The following PLA2G6 variants were observed in gnomAD, a reference collection of about 807,000 sequenced individuals.
The protein encoded by PLA2G6 is phospholipase A2 group VI, also known as 85/88 kDa calcium-independent phospholipase A2.
A neutral mutation model predicts 83.8 loss-of-function variants in PLA2G6; 62 were observed. That is an observed-to-expected ratio of 0.74 (90% CI 0.60 to 0.91). The LOEUF (loss-of-function observed/expected upper bound fraction) is 0.91, where lower values mean the gene tolerates loss of function less well. Ranked by LOEUF, PLA2G6 falls within the 40% of genes least tolerant of loss-of-function variation. PLA2G6 has a pLI of 0.00. For missense variants in PLA2G6, 944 were observed against 1,102.0 expected (o/e 0.86, Z 2.03); for synonymous variants, 417 against 449.8 (o/e 0.93, Z 0.92).
chr22:38,115,779 G>A, intron 13 of PLA2G6, 98 bp from the exon 14 acceptor site: 2 of 1,499,144 alleles, frequency 1.3e-6, no homozygotes, highest in South Asian at 1.3e-5. Context: ...GGCTGGGGGT[G>A]CGGGAAGAGG....
At position 38,169,317 on chromosome 22, in the gene PLA2G6, C is replaced by T. The variant is rs374310914; in HGVS notation, c.110G>A (p.Arg37Gln). 67 of 1,614,206 alleles carry T rather than the reference C, an allele frequency of 4.2e-5. No homozygotes were observed. The highest frequency in any genetic ancestry group is 5.5e-5 in the South Asian group (5 of 91,082). ...AATCAGCTGCCCTTCCTCCCGAACTCGGTCACTCGAGGTGTAGTCGGCCAC... is the reference window on the plus strand; with the variant it reads ...AATCAGCTGCCCTTCCTCCCGAACTTGGTCACTCGAGGTGTAGTCGGCCAC... ...VAVADYTSSDRVREEGQLILF... is the reference protein window; with the variant it reads ...VAVADYTSSDQVREEGQLILF... The change falls in exon 2 of 17, where the codon CGA becomes CAA. Residue 37 changes from arginine to glutamine, a missense_variant. Transcript: ENST00000332509.
chr22:38,168,519 C>A (rs1209836315), intron 2 of PLA2G6, among the ~76,000 whole-genome samples: 1 of 152,192 alleles, frequency 6.6e-6, no homozygotes, highest in Middle Eastern at 3.2e-3. Context: ...CTAAGCAAAC[C>A]CTGGGCAGCC....
Position 38,112,309 on chromosome 22 carries a change from T to C in PLA2G6, c.2277-4A>G, listed in dbSNP as rs778604977. The C allele has an allele frequency of 6.2e-6, 10 of 1,613,062 alleles. No individual in the cohort carries two copies. The Admixed American group carries it at 1.7e-4, about 27-fold the overall frequency. On this transcript the variant is annotated splice_region_variant and splice_polypyrimidine_tract_variant and intron_variant, in intron 16 of 16. Coordinates refer to ENST00000332509, the MANE Select transcript of PLA2G6 (RefSeq NM_003560.4). ...CGTCCCCAGCTGGGGGTTCAATCTGTTCGGGCCAGGGAGGAGGGGGTCACC... is the reference window on the plus strand; with the variant it reads ...CGTCCCCAGCTGGGGGTTCAATCTGCTCGGGCCAGGGAGGAGGGGGTCACC...
intron 1 of PLA2G6, among the ~76,000 whole-genome samples, chr22:38,172,780 G>C (rs947563688): frequency 6.6e-6 from 1 of 152,214 alleles, no homozygotes; most frequent in Non-Finnish European, 1.5e-5. Flanking sequence ...GTCACCAGGG[G>C]TGCAGTGAAA....
chr22:38,143,027 C>T, intron 4 of PLA2G6, 78 bp downstream of exon 4: 1 of 1,368,882 alleles, frequency 7.3e-7, no homozygotes, highest in Non-Finnish European at 1.0e-6. Flanking sequence ...AGAGTGACAC[C>T]TGAGCCTAGG....
chr22:38,164,430 C>G (rs187534463), intron 2 of PLA2G6, among the ~76,000 whole-genome samples: 45 of 152,352 alleles, frequency 3.0e-4, no homozygotes, highest in Non-Finnish European at 5.9e-5. Context: ...GACCCCACCT[C>G]GTGGGACTGT....
At chr22:38,139,215 C>T (rs79232878) in intron 5 of PLA2G6, 10,878 of 151,962 alleles carry the variant, frequency 0.072, 463 homozygotes, top group East Asian at 0.21. Flanking sequence ...CTGAAGCCAT[C>T]GGGGGGCTGT....
chr22:38,167,154 G>C (rs899243100), intron 2 of PLA2G6, among the ~76,000 whole-genome samples: 7 of 151,690 alleles, frequency 4.6e-5, no homozygotes, highest in Admixed American at 1.3e-4. Flanking sequence ...CGTGAACCTG[G>C]GAGGCGGAGC....
At chr22:38,179,027 G>A (rs2090743978) in intron 1 of PLA2G6, among the ~76,000 whole-genome samples, 1 of 152,340 alleles carries the variant, frequency 6.6e-6, no homozygotes, top group South Asian at 2.1e-4. Context: ...ACCAGAGAAT[G>A]GGGATAGGAA....
At position 38,132,138 on chromosome 22, in the gene PLA2G6, A is replaced by C; in HGVS notation, c.1077+693T>G. ...TCGAAAAAAAAGAATACATGCACAC[A>C]CATATGTCTGTAACACAGTAACGTC... On this transcript the variant is annotated intron_variant, in intron 7 of 16. Transcript: ENST00000332509. This position sits in a 1 kb window ranked among gnomAD's most constrained non-coding sequence, Gnocchi z 5.0. 2.2e-6 allele frequency: 1 copy of C among 455,886 alleles called. No individual in the cohort carries two copies. Among genetic ancestry groups the C allele is most frequent in the Non-Finnish European group, 4.4e-6 (1 of 226,798 alleles). The allele number at this position is 455,886 out of a possible 1,614,324, so 28.2% of individuals were successfully genotyped here. A position where few individuals can be genotyped will look rare whatever the true frequency, so the allele number is the denominator to read the frequency against.
intron 1 of PLA2G6, among the ~76,000 whole-genome samples, chr22:38,176,900 G>C (rs1031395259): frequency 1.3e-5 from 2 of 152,058 alleles, no homozygotes; most frequent in Admixed American, 1.3e-4. Context: ...AAAAAAATTA[G>C]CCTGGCGTGA....
In PLA2G6 at chr22:38,116,877, CAG is replaced by C. The variant is rs777107596; in HGVS notation, c.1743-668_1743-667del. On this transcript the variant is annotated intron_variant, in intron 12 of 16. Transcript: ENST00000332509. Reference sequence around the variant, plus strand: ...AAAAAAAAAAAAAAAAAAAAAAAAACAGAATATTTTGAACAACTCTAAGCCAA... The same window carrying C: ...AAAAAAAAAAAAAAAAAAAAAAAAACAATATTTTGAACAACTCTAAGCCAA... 4.8e-3 allele frequency among the ~76,000 whole-genome samples: 378 copies of C among 79,576 alleles called. 1 individual carries two copies. Among genetic ancestry groups the C allele is most frequent in the South Asian group, 0.011 (23 of 2,158 alleles). 52.2% of individuals were successfully genotyped at this position (79,576 alleles called of 152,430 possible).
chr22:38,176,432 C>A (rs1457585964), intron 1 of PLA2G6, among the ~76,000 whole-genome samples: 1 of 152,304 alleles, frequency 6.6e-6, no homozygotes, highest in South Asian at 2.1e-4. Context: ...TCAGGCCTCA[C>A]GAGCCCCAGC....
rs1023993767 is a variant in PLA2G6 at position 38,127,772 on chromosome 22, G to A, written c.1348+497C>T. Among the ~76,000 whole-genome samples, 6 of 152,208 alleles carry A rather than the reference G, an allele frequency of 3.9e-5. No homozygotes were observed. In the East Asian group the frequency reaches 5.8e-4, roughly 15 times the overall value. ...CTCCCTGGGCACCAAGGAATGCACC[G>A]GGGCAGATGCTGGCTGCCTGGCCAC... On this transcript the variant is annotated intron_variant, in intron 9 of 16. Transcript: ENST00000332509.
chr22:38,170,024 C>G (rs998087563), intron 1 of PLA2G6, among the ~76,000 whole-genome samples: 2 of 151,982 alleles, frequency 1.3e-5, no homozygotes, highest in Non-Finnish European at 2.9e-5. Flanking sequence ...ATGGCGAAAC[C>G]CTGCCTCTAC....
chr22:38,113,393 C>G (rs1423540516), intron 15 of PLA2G6, 94 bp downstream of exon 15: 1 of 1,243,356 alleles, frequency 8.0e-7, no homozygotes, highest in Non-Finnish European at 1.2e-6. Context: ...CTGCTGTCTC[C>G]TCCAACACCA....
At chr22:38,122,148 TC>T (rs1402235454) in intron 11 of PLA2G6, among the ~76,000 whole-genome samples, 2 of 152,060 alleles carry the variant, frequency 1.3e-5, no homozygotes, top group Non-Finnish European at 2.9e-5. Context: ...CTGGCTCAGC[TC>T]TGCATCCCCA....
At position 38,120,867 on chromosome 22, in the gene PLA2G6, T is replaced by C. The variant is rs121908681; in HGVS notation, c.1634A>G (p.Lys545Arg). Residue 545 changes from lysine to arginine, a missense_variant, in exon 12 of 17, where the codon AAG (lysine) becomes AGG (arginine). Coordinates refer to ENST00000332509, the MANE Select transcript of PLA2G6 (RefSeq NM_003560.4). ...CCTGGAGCCCCGGAACACCTCATCC[T>C]TCATGCGAAAGTACATGCCGCGCAT... The part of the protein sequence containing the change: ...AYMRGMYFRM[K>R]DEVFRGSRPY... 10 of 1,613,878 alleles carry C rather than the reference T, an allele frequency of 6.2e-6. No homozygotes were observed. In the East Asian group the frequency reaches 2.2e-4, roughly 36 times the overall value.
chr22:38,145,520 G>C lies in PLA2G6; in HGVS notation c.343C>G (p.Arg115Gly), dbSNP rs995653548. ...GCCACTGACCAGCTGGGGTGGTTAC[G>C]GATGAGGTCGGTCAGGTGCTGCAGG... Reference protein sequence around the residue: ...EVLQHLTDLIRNHPSWSVAHL... With the variant: ...EVLQHLTDLIGNHPSWSVAHL... The change falls in exon 3 of 17, where the codon CGT becomes GGT. Residue 115 changes from arginine to glycine, a missense_variant. Transcript: ENST00000332509. 5 of 1,613,278 alleles carry C rather than the reference G, an allele frequency of 3.1e-6. No homozygotes were observed.
Sources: gnomAD v4.1 joint callset for allele counts (sites outside exome capture counted in the v4.1 genomes callset) on GRCh38, gnomAD v4.1.1 for gene constraint, Gnocchi (gnomAD v3.1) non-coding constraint, MANE v1.5 for transcripts, NCBI Gene and HGNC (gene_info 2026-07-23, HGNC 2026-07-21) for gene names.